SKI: variants seen among roughly 807,000 people sequenced by gnomAD.
SKI encodes SKI proto-oncogene.
In SKI, 23 loss-of-function variants were observed where a neutral mutation model predicts 59.3. That is an observed-to-expected ratio of 0.39 (90% confidence interval 0.28 to 0.55). SKI has a LOEUF of 0.55. SKI is among the 20% of genes least tolerant of loss of function. The pLI, the probability that SKI is intolerant of heterozygous loss-of-function variation, is 0.67. For missense variants in SKI, 1,017 were observed against 1,038.9 expected (o/e 0.98, Z 0.29); for synonymous variants, 673 against 488.6 (o/e 1.38, Z -4.98).
intron 1 of SKI, among the ~76,000 whole-genome samples, chr1:2,264,260 G>A (rs1374435235): frequency 6.6e-6 from 1 of 151,976 alleles, no homozygotes; most frequent in Non-Finnish European, 1.5e-5. Flanking sequence ...TTTTTTTTGT[G>A]GTTTAATTTA....
chr1:2,291,684 T>C (rs2172900), intron 1 of SKI, among the ~76,000 whole-genome samples: 132,252 of 151,014 alleles, frequency 0.88, 57,992 homozygotes, highest in African/African-American at 0.93. Flanking sequence ...TGTGTTTTGA[T>C]GCCCCTTGGC....
chr1:2,228,505 C>G lies in SKI; in HGVS notation c.-262C>G, dbSNP rs1441334754. On this transcript the variant is annotated 5_prime_UTR_variant, in exon 1 of 7. Coordinates refer to ENST00000378536, the MANE Select transcript of SKI (RefSeq NM_003036.4). ...GCGGGGGACGCGCGGGGGGCCCGGGCGGCGGCGGGCGCGGCGCGGGGCGCG... is the reference window on the plus strand; with the variant it reads ...GCGGGGGACGCGCGGGGGGCCCGGGGGGCGGCGGGCGCGGCGCGGGGCGCG... Among the ~76,000 whole-genome samples the G allele has an allele frequency of 7.0e-6, 1 of 141,872 alleles. No homozygotes were observed. The highest frequency in any genetic ancestry group is 2.1e-4 in the East Asian group (1 of 4,716). 93.1% of individuals were successfully genotyped at this position (141,872 alleles called of 152,430 possible).
chr1:2,232,297 G>A (rs1638655860), intron 1 of SKI, among the ~76,000 whole-genome samples: 1 of 152,212 alleles, frequency 6.6e-6, no homozygotes, highest in African/African-American at 2.4e-5. Flanking sequence ...CGGAGCCGGA[G>A]GGGGCTGAAT....
In SKI at chr1:2,306,889, A is replaced by C. The variant is rs1207885067; in HGVS notation, c.*124A>C. The C allele has an allele frequency of 1.6e-6, 1 of 629,972 alleles. No homozygotes were observed. The highest frequency in any genetic ancestry group is 4.9e-5 in the East Asian group (1 of 20,612). The allele number at this position is 629,972 out of a possible 1,614,324, so 39.0% of individuals were successfully genotyped here. A position where few individuals can be genotyped will look rare whatever the true frequency, so the allele number is the denominator to read the frequency against. ...AGCACAACGTCTTACCGTGCCTATT[A>C]CCAAGCGAGTGTTTGTAACCATGTA... On this transcript the variant is annotated 3_prime_UTR_variant, in exon 7 of 7. Coordinates refer to ENST00000378536, the MANE Select transcript of SKI (RefSeq NM_003036.4).
At chr1:2,288,029 C>T (rs1442075836) in intron 1 of SKI, among the ~76,000 whole-genome samples, 1 of 151,900 alleles carries the variant, frequency 6.6e-6, no homozygotes, top group Non-Finnish European at 1.5e-5. Flanking sequence ...ACTCTTGTTG[C>T]CCAGGCTGGA....
At chr1:2,271,258 G>T (rs1256137959) in intron 1 of SKI, among the ~76,000 whole-genome samples, 1 of 152,072 alleles carries the variant, frequency 6.6e-6, no homozygotes, top group Non-Finnish European at 1.5e-5. Flanking sequence ...AGGGGCTTTT[G>T]TTCACTGAAG....
intron 1 of SKI, among the ~76,000 whole-genome samples, chr1:2,231,494 G>C (rs2100794008): frequency 6.6e-6 from 1 of 152,320 alleles, no homozygotes; most frequent in South Asian, 2.1e-4. Flanking sequence ...AGGCCACCCG[G>C]CTTCTCTCTC....
In SKI at chr1:2,288,611, G is replaced by A. The variant is rs201554656; in HGVS notation, c.970-14367G>A. 9.7e-4 allele frequency among the ~76,000 whole-genome samples: 147 copies of A among 152,328 alleles called. 1 individual carries two copies. The East Asian group carries it at 0.019, about 20-fold the overall frequency. On this transcript the variant is annotated intron_variant, in intron 1 of 6. Transcript: ENST00000378536. The stretch of plus-strand genomic sequence containing the variant: ...AGACCCCCAGGTGGTTTTGCTCTGG[G>A]AGTCGTGGGATGTGTTCTCTGCTCC...
chr1:2,277,959 G>A (rs960463499), intron 1 of SKI, among the ~76,000 whole-genome samples: 9 of 151,890 alleles, frequency 5.9e-5, no homozygotes, highest in Non-Finnish European at 1.2e-4. Context: ...CCGTGGACAC[G>A]TGCACGCACA....
At chr1:2,251,651 C>T (rs1639150994) in intron 1 of SKI, among the ~76,000 whole-genome samples, 2 of 152,320 alleles carry the variant, frequency 1.3e-5, no homozygotes, top group East Asian at 3.9e-4. Context: ...TCTGGGGGGG[C>T]TGGCGCCGGG....
chr1:2,306,397 A>G lies in SKI; in HGVS notation c.1998+147A>G, dbSNP rs988918121. 23 of 999,494 alleles carry G rather than the reference A, an allele frequency of 2.3e-5. No individual in the cohort carries two copies. In the African/African-American group the frequency reaches 2.6e-4, roughly 11 times the overall value. 61.9% of individuals were successfully genotyped at this position (999,494 alleles called of 1,614,324 possible). ...CCGTGCGTGCCCCCCCGACGGGCAC[A>G]GGGTGGGTGGTTGCTGGGCCCTGCG... is the stretch of plus-strand genomic sequence containing the variant. On this transcript the variant is annotated intron_variant, in intron 6 of 6. Coordinates refer to ENST00000378536, the MANE Select transcript of SKI (RefSeq NM_003036.4).
chr1:2,272,409 A>C (rs1639644380), intron 1 of SKI, among the ~76,000 whole-genome samples: 2 of 152,194 alleles, frequency 1.3e-5, no homozygotes, highest in Non-Finnish European at 2.9e-5. Flanking sequence ...AGAGCCCTCC[A>C]CAGGAGCCCT....
In SKI at chr1:2,306,738, C is replaced by G; in HGVS notation, c.2160C>G (p.Ser720Arg). The change falls in exon 7 of 7, where the codon AGC becomes AGG. Residue 720 changes from serine to arginine, a missense_variant. Transcript: ENST00000378536. ...WPRARPEAAG[S>R]EGAAELEP is the part of the protein sequence containing the mutation. ...GGGCCCGCCCCGAGGCTGCGGGCAG[C>G]GAGGGCGCTGCGGAGCTGGAGCCGT... 1 of 1,528,896 alleles carries G rather than the reference C, an allele frequency of 6.5e-7. No homozygotes were observed. The highest frequency in any genetic ancestry group is 8.8e-7 in the Non-Finnish European group (1 of 1,140,236). 94.7% of individuals were successfully genotyped at this position (1,528,896 alleles called of 1,614,324 possible). A position where few individuals can be genotyped will look rare whatever the true frequency, so the allele number is the denominator to read the frequency against.
intron 1 of SKI, among the ~76,000 whole-genome samples, chr1:2,271,760 T>TG (rs1470589897): frequency 6.6e-6 from 1 of 151,836 alleles, no homozygotes; most frequent in Admixed American, 6.6e-5. Flanking sequence ...GGGGACCCTC[T>TG]GAGCACTCAT....
At position 2,283,013 on chromosome 1, in the gene SKI, C is replaced by T. The variant is rs144715230; in HGVS notation, c.970-19965C>T. Among the ~76,000 whole-genome samples the T allele has an allele frequency of 2.5e-3, 375 of 152,324 alleles. 2 individuals carry two copies. The highest frequency in any genetic ancestry group is 8.6e-3 in the African/African-American group (357 of 41,574). ...GAGACGGGAGCCAGTCTCGGACCCT[C>T]ATCTGCCAGCAGCTCCTGTGGCTGT... On this transcript the variant is annotated intron_variant, in intron 1 of 6. Transcript: ENST00000378536.
chr1:2,267,162 A>G lies in SKI; in HGVS notation c.970-35816A>G, dbSNP rs1639517504. Among the ~76,000 whole-genome samples the G allele has an allele frequency of 6.6e-6, 1 of 152,184 alleles. No homozygotes were observed. The highest frequency in any genetic ancestry group is 1.5e-5 in the Non-Finnish European group (1 of 68,038). Reference sequence around the variant, plus strand: ...ATGATTTTGACTATTCAGGCGAGCAACTGCATCGAGCCAGCACTGAACTGG... The same window carrying G: ...ATGATTTTGACTATTCAGGCGAGCAGCTGCATCGAGCCAGCACTGAACTGG... On this transcript the variant is annotated intron_variant, in intron 1 of 6. Transcript: ENST00000378536. This position sits in a 1 kb window ranked among gnomAD's most constrained non-coding sequence, Gnocchi z 4.1.
intron 1 of SKI, among the ~76,000 whole-genome samples, chr1:2,273,164 G>T (rs988282236): frequency 2.0e-5 from 3 of 152,198 alleles, no homozygotes; most frequent in Non-Finnish European, 4.4e-5. Flanking sequence ...GACCCACCTG[G>T]GGGTGTCTGG....
Position 2,309,937 on chromosome 1 carries a change from C to T in SKI, c.*3172C>T, listed in dbSNP as rs576736598. 3 of 111,562 alleles carry T rather than the reference C, an allele frequency of 2.7e-5. No individual in the cohort carries two copies. Among genetic ancestry groups the T allele is most frequent in the Non-Finnish European group, 5.3e-5 (3 of 56,860 alleles). The allele number at this position is 111,562 out of a possible 1,614,324, so 6.9% of individuals were successfully genotyped here. The stretch of plus-strand genomic sequence containing the variant: ...GCTTTAAGTCAGGAGTCACAAATGA[C>T]TTTTTTTTTTCAATTAAGGAAAAAG... On this transcript the variant is annotated 3_prime_UTR_variant, in exon 7 of 7. Coordinates refer to ENST00000378536, the MANE Select transcript of SKI (RefSeq NM_003036.4).
rs529397150 is a variant in SKI at position 2,256,968 on chromosome 1, G to A, written c.969+27233G>A. On this transcript the variant is annotated intron_variant, in intron 1 of 6. Transcript: ENST00000378536. Reference sequence around the variant, plus strand: ...TTCTGCTCGGTGCTCCCTAGGGCTGGACGTTGGTCCTCCTGGCACTGGTGC... The same window carrying A: ...TTCTGCTCGGTGCTCCCTAGGGCTGAACGTTGGTCCTCCTGGCACTGGTGC... Among the ~76,000 whole-genome samples, 3 of 152,354 alleles carry A rather than the reference G, an allele frequency of 2.0e-5. No individual in the cohort carries two copies. In the East Asian group the frequency reaches 5.8e-4, roughly 29 times the overall value.
Sources: allele counts gnomAD v4.1 joint callset (sites outside exome capture counted in the v4.1 genomes callset), GRCh38; gene constraint gnomAD v4.1.1; non-coding constraint Gnocchi (gnomAD v3.1); transcripts MANE v1.5; gene names NCBI Gene and HGNC (gene_info 2026-07-23, HGNC 2026-07-21).